GRIP1: variants seen among roughly 807,000 people sequenced by gnomAD.
GRIP1 encodes glutamate receptor-interacting protein 1.
GRIP1 carries 45 observed loss-of-function variants against 129.9 expected under a neutral mutation model. The ratio of observed to expected loss-of-function variants is 0.35; its 90% CI spans 0.27 to 0.44. The LOEUF (loss-of-function observed/expected upper bound fraction) is 0.44, where lower values mean the gene tolerates loss of function less well. GRIP1 is among the 20% of genes least tolerant of loss of function. The probability of loss-of-function intolerance (pLI) is 1.00; values close to 1 mark genes in which losing one functional copy is unlikely to be tolerated. For synonymous variants in GRIP1, 530 were observed against 520.8 expected (o/e 1.02, Z -0.24); for missense variants, 1,196 against 1,396.8 (o/e 0.86, Z 2.29).
intron 1 of GRIP1, among the ~76,000 whole-genome samples, chr12:66,632,235 C>T (rs2030874164): frequency 6.6e-6 from 1 of 152,114 alleles, no homozygotes; most frequent in South Asian, 2.1e-4. Flanking sequence ...GTATAGAACA[C>T]TTGCTATAAA....
chr12:66,401,637 C>T (rs1409340656), intron 16 of GRIP1, among the ~76,000 whole-genome samples: 23 of 149,054 alleles, frequency 1.5e-4, no homozygotes, highest in Non-Finnish European at 2.7e-4. Flanking sequence ...CACACACACA[C>T]ACACACACAC....
intron 5 of GRIP1, among the ~76,000 whole-genome samples, chr12:66,522,624 G>A (rs1050186223): frequency 3.3e-5 from 5 of 152,248 alleles, no homozygotes; most frequent in African/African-American, 1.2e-4. Context: ...AAAAAGCAGA[G>A]TGCCTCTCCT....
rs78262154 is a variant in GRIP1, at chr12:66,465,756, A to G, written c.725-334T>C. On this transcript the variant is annotated intron_variant, in intron 7 of 24. Transcript: ENST00000359742. ...ATGCCGAGCATATACTAGGTCTCTC[A>G]GTAAAGGTTTTTTAAATTAATTACT... 3.9e-3 allele frequency among the ~76,000 whole-genome samples: 591 copies of G among 152,334 alleles called. 7 individuals are homozygous for G. Among genetic ancestry groups the G allele is most frequent in the African/African-American group, 0.013 (548 of 41,572 alleles).
intron 1 of GRIP1, among the ~76,000 whole-genome samples, chr12:66,659,164 C>T (rs1409907894): frequency 2.6e-5 from 4 of 152,188 alleles, no homozygotes; most frequent in Non-Finnish European, 5.9e-5. Context: ...TCAAGTATCA[C>T]CTAATCAGAG....
intron 1 of GRIP1, among the ~76,000 whole-genome samples, chr12:67,009,367 G>A (rs2042672549): frequency 1.3e-5 from 2 of 152,096 alleles, no homozygotes; most frequent in South Asian, 4.1e-4. Flanking sequence ...ACTTTGACAG[G>A]AGGCCACGCA....
intron 2 of GRIP1, among the ~76,000 whole-genome samples, chr12:66,596,375 C>T (rs2064050607): frequency 6.6e-6 from 1 of 152,100 alleles, no homozygotes; most frequent in Admixed American, 6.6e-5. Context: ...CCTAAGGAAA[C>T]AAAATCACAA....
chr12:66,949,760 CTTTTTTTTT>C (rs781123585), intron 1 of GRIP1, among the ~76,000 whole-genome samples: 3 of 85,426 alleles, frequency 3.5e-5, no homozygotes, highest in Non-Finnish European at 4.4e-5. Flanking sequence ...CATGCTCCTC[CTTTTTTTTT>C]TTTTTTTTTT....
Position 66,500,050 on chromosome 12 carries a change from C to T in GRIP1, c.724+15569G>A, listed in dbSNP as rs543431144. Among the ~76,000 whole-genome samples, 4 of 152,150 alleles carry T rather than the reference C, an allele frequency of 2.6e-5. 1 individual carries two copies. In the South Asian group the frequency reaches 8.3e-4, roughly 32 times the overall value. On this transcript the variant is annotated intron_variant, in intron 7 of 24. Transcript: ENST00000359742. ...AAGAAACAGGAACAATTTTGAAAGG[C>T]TGTAATAGCAGAGTAAGAAAATTAA... is the stretch of plus-strand genomic sequence containing the variant.
chr12:66,545,480 G>C (rs1314521129), intron 2 of GRIP1, among the ~76,000 whole-genome samples: 1 of 152,122 alleles, frequency 6.6e-6, no homozygotes, highest in African/African-American at 2.4e-5. Flanking sequence ...GGTTATTATA[G>C]AAGAGAAGGC....
chr12:66,940,166 G>C (rs905120079), intron 1 of GRIP1, among the ~76,000 whole-genome samples: 1 of 152,006 alleles, frequency 6.6e-6, no homozygotes, highest in African/African-American at 2.4e-5. Flanking sequence ...GTGTGTGTGT[G>C]TGTTTGGAGC....
intron 1 of GRIP1, among the ~76,000 whole-genome samples, chr12:67,049,663 G>A (rs1354668859): frequency 1.3e-5 from 2 of 151,312 alleles, no homozygotes; most frequent in Non-Finnish European, 2.9e-5. Flanking sequence ...AACCACCATG[G>A]CACATGTTTA....
intron 1 of GRIP1, among the ~76,000 whole-genome samples, chr12:66,649,142 T>C (rs952231109): frequency 6.6e-6 from 1 of 152,194 alleles, no homozygotes; most frequent in African/African-American, 2.4e-5. Flanking sequence ...TCAAATAAAA[T>C]TGCAGATTGT....
intron 1 of GRIP1, among the ~76,000 whole-genome samples, chr12:66,696,199 T>C (rs1222685540): frequency 6.6e-6 from 1 of 152,072 alleles, no homozygotes; most frequent in Admixed American, 6.6e-5. Context: ...TACTTTCACA[T>C]CTCAAGAATG....
At chr12:66,563,864 G>A (rs1698689756) in intron 2 of GRIP1, 1 of 152,130 alleles carries the variant, frequency 6.6e-6, no homozygotes, top group South Asian at 2.1e-4. Flanking sequence ...CAATAAGAAG[G>A]GAATGAACAG....
At chr12:66,766,186 G>T (rs1337888394) in intron 1 of GRIP1, among the ~76,000 whole-genome samples, 1 of 152,120 alleles carries the variant, frequency 6.6e-6, no homozygotes, top group Admixed American at 6.6e-5. Flanking sequence ...AACAAGAATT[G>T]AAATATCAAA....
At chr12:66,483,109 C>G (rs2059851725) in intron 7 of GRIP1, among the ~76,000 whole-genome samples, 1 of 152,162 alleles carries the variant, frequency 6.6e-6, no homozygotes, top group Non-Finnish European at 1.5e-5. Flanking sequence ...TTGATTAGAA[C>G]CTCCCGGGGG....
chr12:66,791,888 T>A (rs1021757759), intron 1 of GRIP1, among the ~76,000 whole-genome samples: 1 of 152,118 alleles, frequency 6.6e-6, no homozygotes, highest in Non-Finnish European at 1.5e-5. Context: ...TGTCTTTGCT[T>A]AGCTCCCACT....
At chr12:66,823,197 C>A (rs1043226821) in intron 1 of GRIP1, among the ~76,000 whole-genome samples, 2 of 152,020 alleles carry the variant, frequency 1.3e-5, no homozygotes, top group Non-Finnish European at 1.5e-5. Flanking sequence ...CTCTAAAATT[C>A]TATAATTATC....
At position 67,047,111 on chromosome 12, in the gene GRIP1, A is replaced by G. The variant is rs11176550; in HGVS notation, c.58+21939T>C. Among the ~76,000 whole-genome samples the G allele has an allele frequency of 1.0e-3, 154 of 152,288 alleles. 3 individuals are homozygous for G. In the East Asian group the frequency reaches 0.021, roughly 21 times the overall value. On this transcript the variant is annotated intron_variant, in intron 1 of 1. Coordinates refer to the GRIP1 transcript ENST00000643019. ...TGAAAGCAGCGTCTTAACAGTTTTA[A>G]ACATATCAGTAAAACCAAAGATGTT...
Sources: allele counts gnomAD v4.1 joint callset (sites outside exome capture counted in the v4.1 genomes callset), GRCh38; gene constraint gnomAD v4.1.1; transcripts MANE v1.5; gene names NCBI Gene and HGNC (gene_info 2026-07-23, HGNC 2026-07-21).